NOD2: variants seen among roughly 807,000 people sequenced by gnomAD.
NOD2 encodes nucleotide-binding oligomerization domain-containing protein 2.
A neutral mutation model predicts 90.9 loss-of-function variants in NOD2; 86 were observed. The ratio of observed to expected loss-of-function variants is 0.95; its 90% CI spans 0.79 to 1.13. The LOEUF (loss-of-function observed/expected upper bound fraction) is 1.13. Ranked by LOEUF, NOD2 falls within the 50% of genes most tolerant of loss-of-function variation. The probability of loss-of-function intolerance (pLI) is 0.00; values close to 1 mark genes in which losing one functional copy is unlikely to be tolerated. For missense variants in NOD2, 1,238 were observed against 1,283.8 expected (o/e 0.96, Z 0.55); for synonymous variants, 581 against 554.6 (o/e 1.05, Z -0.67).
At chr16:50,705,878 A>T (rs1964164158) in intron 2 of NOD2, among the ~76,000 whole-genome samples, 1 of 152,220 alleles carries the variant, frequency 6.6e-6, no homozygotes, top group Admixed American at 6.5e-5. Context: ...ACAGACAAAA[A>T]TCTTTGTCTT....
In NOD2 at chr16:50,722,500, T is replaced by G. The variant is rs143684688; in HGVS notation, c.2634-122T>G. The G allele has an allele frequency of 2.3e-4, 219 of 959,042 alleles. 1 individual carries two copies. In the African/African-American group the frequency reaches 3.0e-3, roughly 13 times the overall value. The allele number at this position is 959,042 out of a possible 1,614,324, so 59.4% of individuals were successfully genotyped here. On this transcript the variant is annotated intron_variant, in intron 7 of 11. Coordinates refer to ENST00000647318, the MANE Select transcript of NOD2 (RefSeq NM_001370466.1). The stretch of plus-strand genomic sequence containing the variant: ...ACCAGGAGCCCCAGTGAGGCCACTC[T>G]GGGATTGAGTGGTCCTGCCCCTCTG...
In NOD2 at chr16:50,722,606, C is replaced by CT. The variant is rs765874894; in HGVS notation, c.2634-12dup. On this transcript the variant is annotated splice_polypyrimidine_tract_variant and intron_variant, in intron 7 of 11. Transcript: ENST00000647318. ...TACTCACTGACACTGTCTGTTGACT[C>CT]TTTTGGCCTTTTCAGATTCTGGGGC... The CT allele has an allele frequency of 6.2e-7, 1 of 1,613,450 alleles. No homozygotes were observed. The highest frequency in any genetic ancestry group is 2.2e-5 in the East Asian group (1 of 44,890).
chr16:50,722,229 T>C (rs967404892), intron 7 of NOD2, among the ~76,000 whole-genome samples: 6 of 152,186 alleles, frequency 3.9e-5, no homozygotes, highest in Admixed American at 1.3e-4. Flanking sequence ...TTAGACTTGT[T>C]ATGGGCAGGT....
chr16:50,696,703 C>T (rs1963663509), intron 1 of NOD2, among the ~76,000 whole-genome samples: 1 of 152,224 alleles, frequency 6.6e-6, no homozygotes, highest in Admixed American at 6.5e-5. Context: ...CAGGACAATG[C>T]CTGCTCAGAG....
intron 8 of NOD2, among the ~76,000 whole-genome samples, chr16:50,723,039 GGC>G (rs1231489219): frequency 6.7e-6 from 1 of 149,692 alleles, no homozygotes; most frequent in Non-Finnish European, 1.5e-5. Context: ...GCTGCACCTG[GGC>G]TTAAAGAAGA....
intron 7 of NOD2, among the ~76,000 whole-genome samples, chr16:50,722,231 T>C (rs978832281): frequency 6.6e-6 from 1 of 152,190 alleles, no homozygotes; most frequent in Admixed American, 6.5e-5. Flanking sequence ...AGACTTGTTA[T>C]GGGCAGGTAC....
Position 50,711,138 on chromosome 16 carries a change from CCTT to C in NOD2, c.1149_1151del (p.Leu384del). Reference sequence around the variant, plus strand: ...CCTCTGTCCAGACCCTGCTCTTCAACCTTCTGCAGGGCAACCTGCTGAAGAATG... The same window carrying C: ...CCTCTGTCCAGACCCTGCTCTTCAACCTGCAGGGCAACCTGCTGAAGAATG... On this transcript the variant is annotated inframe_deletion, in exon 4 of 12. Transcript: ENST00000647318. 6.2e-7 allele frequency: 1 copy of C among 1,614,190 alleles called. No homozygotes were observed. The highest frequency in any genetic ancestry group is 8.5e-7 in the Non-Finnish European group (1 of 1,180,036).
At chr16:50,728,568 A>C (rs568478041) in intron 10 of NOD2, 1 of 157,420 alleles carries the variant, frequency 6.4e-6, no homozygotes, top group Admixed American at 6.4e-5. Context: ...ATGTATTCCA[A>C]TATCAAATGG....
In NOD2 at chr16:50,712,325, T is replaced by C. The variant is rs754094105; in HGVS notation, c.2333T>C (p.Ile778Thr). Residue 778 changes from isoleucine (I) to threonine (T), a missense_variant, in exon 4 of 12, where the codon ATT becomes ACT. Physicochemically the swap from Ile to Thr is moderately conservative, Grantham distance 89. Transcript: ENST00000647318. ...CTGGACTACAACTCTGTGGGTGACA[T>C]TGGCGTGGAGCAGCTGCTGCCTTGC... ...LQLDYNSVGDIGVEQLLPCLG... is the reference protein window; with the variant it reads ...LQLDYNSVGDTGVEQLLPCLG... 3 of 1,613,922 alleles carry C rather than the reference T, an allele frequency of 1.9e-6. No homozygotes were observed. Among genetic ancestry groups the C allele is most frequent in the African/African-American group, 2.7e-5 (2 of 74,928 alleles).
chr16:50,716,836 GC>G lies in NOD2; in HGVS notation c.2466-54del, dbSNP rs1442528433. Reference sequence around the variant, plus strand: ...GGGAAGGGCAACCCTGGGATTTGGTGCTCACTGTCCAATGTGCTTTGCTTCT... The same window carrying G: ...GGGAAGGGCAACCCTGGGATTTGGTGTCACTGTCCAATGTGCTTTGCTTCT... On this transcript the variant is annotated intron_variant, in intron 5 of 11. Transcript: ENST00000647318. 6.4e-6 allele frequency: 10 copies of G among 1,567,132 alleles called. No homozygotes were observed. In the East Asian group the frequency reaches 2.2e-4, roughly 35 times the overall value.
In NOD2 at chr16:50,699,470, C is replaced by T; in HGVS notation, c.-8-18C>T. On this transcript the variant is annotated intron_variant, in intron 1 of 11. Coordinates refer to ENST00000647318, the MANE Select transcript of NOD2 (RefSeq NM_001370466.1). ...GGCTTCTGGAGAAGTCCCGCACTGA[C>T]CTTGTTCTCCTCCCCAGGTTGTGAA... The T allele has an allele frequency of 1.9e-6, 3 of 1,610,052 alleles. No homozygotes were observed. Among genetic ancestry groups the T allele is most frequent in the South Asian group, 1.1e-5 (1 of 90,948 alleles).
chr16:50,723,944 T>C (rs916124100), intron 9 of NOD2, among the ~76,000 whole-genome samples: 1 of 152,132 alleles, frequency 6.6e-6, no homozygotes, highest in East Asian at 1.9e-4. Flanking sequence ...CTAATAAAGT[T>C]TTGTTATTTT....
intron 11 of NOD2, among the ~76,000 whole-genome samples, chr16:50,731,199 CT>C (rs1273863748): frequency 1.3e-5 from 2 of 152,158 alleles, no homozygotes; most frequent in African/African-American, 2.4e-5. Flanking sequence ...CTTCAAAAAT[CT>C]ATGCTGTGAT....
At chr16:50,709,517 C>A (rs952217435) in intron 3 of NOD2, among the ~76,000 whole-genome samples, 17 of 152,278 alleles carry the variant, frequency 1.1e-4, no homozygotes, top group South Asian at 6.2e-4. Flanking sequence ...AGGAAGAGCA[C>A]TGGCCTTCCA....
In NOD2 at chr16:50,729,313, G is replaced by A. The variant is rs954788378; in HGVS notation, c.2886-505G>A. 9.9e-5 allele frequency among the ~76,000 whole-genome samples: 15 copies of A among 152,264 alleles called. No homozygotes were observed. In the East Asian group the frequency reaches 2.5e-3, roughly 26 times the overall value. On this transcript the variant is annotated intron_variant, in intron 10 of 11. Transcript: ENST00000647318. ...GGTGGGTCTTCCCAGCAAGCAGAGT[G>A]TGGGGAGGTAATGGGGGACTGGTGG...
At chr16:50,719,505 G>A (rs1328210700) in intron 6 of NOD2, among the ~76,000 whole-genome samples, 2 of 152,010 alleles carry the variant, frequency 1.3e-5, no homozygotes, top group African/African-American at 4.8e-5. Flanking sequence ...CCTGCCCAGC[G>A]CTCTTGTGCA....
At chr16:50,695,216 C>G (rs1303522969) in intron 1 of NOD2, among the ~76,000 whole-genome samples, 10 of 151,848 alleles carry the variant, frequency 6.6e-5, no homozygotes, top group Non-Finnish European at 1.3e-4. Context: ...TGCTGTCATT[C>G]TCGGGAGAGA....
At chr16:50,723,863 T>C (rs372049695) in intron 9 of NOD2, among the ~76,000 whole-genome samples, 1 of 152,142 alleles carries the variant, frequency 6.6e-6, no homozygotes, top group South Asian at 2.1e-4. Context: ...AATGGCAGGG[T>C]TACTACTACT....
chr16:50,725,473 CTCT>C lies in NOD2; in HGVS notation c.2802-9_2802-7del, dbSNP rs1386696477. On this transcript the variant is annotated splice_polypyrimidine_tract_variant and intron_variant, in intron 9 of 11. Coordinates refer to ENST00000647318, the MANE Select transcript of NOD2 (RefSeq NM_001370466.1). The stretch of plus-strand genomic sequence containing the variant: ...CAATGTTGTATCAACTGGATTTTCT[CTCT>C]TCTTCTCACCAGCCTGGAGGAGAAC... 3.7e-6 allele frequency: 6 copies of C among 1,603,052 alleles called. No individual in the cohort carries two copies. Among genetic ancestry groups the C allele is most frequent in the South Asian group, 3.3e-5 (3 of 90,828 alleles).
Sources: gnomAD v4.1 joint callset for allele counts (sites outside exome capture counted in the v4.1 genomes callset) on GRCh38, gnomAD v4.1.1 for gene constraint, MANE v1.5 for transcripts, NCBI Gene and HGNC (gene_info 2026-07-23, HGNC 2026-07-21) for gene names.